NFIC: variants seen among roughly 807,000 people sequenced by gnomAD.
NFIC encodes the protein nuclear factor 1 C-type.
A neutral mutation model predicts 54.4 loss-of-function variants in NFIC; 12 were observed. The observed-to-expected ratio is 0.22, with a 90% CI of 0.14 to 0.36. The LOEUF is 0.36. NFIC is among the 10% of genes least tolerant of loss of function. NFIC has a pLI of 1.00. For missense variants in NFIC, 575 were observed against 718.2 expected (o/e 0.80, Z 2.28); for synonymous variants, 322 against 319.2 (o/e 1.01, Z -0.09).
chr19:3,388,138 C>T (rs776935720), intron 2 of NFIC, among the ~76,000 whole-genome samples: 16 of 152,070 alleles, frequency 1.1e-4, no homozygotes, highest in African/African-American at 2.7e-4. Flanking sequence ...TGCAGTCCAG[C>T]GCCGGGAATG....
At chr19:3,440,013 G>T in intron 6 of NFIC, among the ~76,000 whole-genome samples, 1 of 152,186 alleles carries the variant, frequency 6.6e-6, no homozygotes, top group Non-Finnish European at 1.5e-5. Context: ...TTTAACACCC[G>T]TGGCCCAGGG....
intron 2 of NFIC, among the ~76,000 whole-genome samples, chr19:3,413,037 C>T (rs2081791204): frequency 1.3e-5 from 2 of 152,166 alleles, no homozygotes; most frequent in African/African-American, 4.8e-5. Flanking sequence ...CAATCTCCGC[C>T]TTCCAGATTC....
Position 3,459,172 on chromosome 19 carries a change from C to T in NFIC, c.1509+2537C>T, listed in dbSNP as rs996821320. Among the ~76,000 whole-genome samples, 5 of 151,962 alleles carry T rather than the reference C, an allele frequency of 3.3e-5. No homozygotes were observed. The highest frequency in any genetic ancestry group is 1.2e-4 in the African/African-American group (5 of 41,368). ...CTGGCGGATTCGCTTCCCTCTGCCC[C>T]CTCCTCCCCCAAAGCCTGGGTGGGC... is the stretch of plus-strand genomic sequence containing the variant. On this transcript the variant is annotated intron_variant, in intron 10 of 10. Transcript: ENST00000443272. This position sits in a 1 kb window ranked among gnomAD's most constrained non-coding sequence, Gnocchi z 4.2.
intron 2 of NFIC, among the ~76,000 whole-genome samples, chr19:3,421,023 A>C (rs1256901020): frequency 2.0e-5 from 3 of 152,176 alleles, no homozygotes; most frequent in Non-Finnish European, 2.9e-5. Context: ...GCGCCCAGCC[A>C]ATGTTTCATT....
chr19:3,440,466 C>T (rs1043767026), intron 6 of NFIC, among the ~76,000 whole-genome samples: 1 of 150,624 alleles, frequency 6.6e-6, no homozygotes, highest in Admixed American at 6.6e-5. Context: ...CTCTCTCTGT[C>T]GCTCGCCCAG....
chr19:3,445,066 T>A (rs2082353775), intron 6 of NFIC, among the ~76,000 whole-genome samples: 1 of 151,984 alleles, frequency 6.6e-6, no homozygotes, highest in African/African-American at 2.4e-5. Flanking sequence ...CAGGCATACA[T>A]ATGCAGGCGT....
intron 2 of NFIC, among the ~76,000 whole-genome samples, chr19:3,391,666 G>A (rs561965421): frequency 4.1e-4 from 62 of 151,664 alleles, no homozygotes; most frequent in African/African-American, 1.1e-3. Context: ...GCATGGTGGC[G>A]CGTGCCTGTA....
rs766198179 is a variant in NFIC at position 3,435,213 on chromosome 19, G to T, written c.958+6G>T. On this transcript the variant is annotated splice_donor_region_variant and intron_variant, in intron 6 of 10. Transcript: ENST00000443272. ...GACGGAGGACATGGAAGGAGGTAGG[G>T]CTGGTGGCGGGGGCGGAGCCGGCCT... 6.3e-7 allele frequency: 1 copy of T among 1,578,182 alleles called. No individual in the cohort carries two copies. Among genetic ancestry groups the T allele is most frequent in the Non-Finnish European group, 8.6e-7 (1 of 1,156,594 alleles).
chr19:3,464,885 G>A lies in NFIC; in HGVS notation c.*2116G>A, dbSNP rs1247534873. 5.3e-6 allele frequency: 1 copy of A among 189,920 alleles called. No individual in the cohort carries two copies. Among genetic ancestry groups the A allele is most frequent in the Non-Finnish European group, 9.7e-6 (1 of 102,758 alleles). The allele number at this position is 189,920 out of a possible 1,614,324, so 11.8% of individuals were successfully genotyped here. A position where few individuals can be genotyped will look rare whatever the true frequency, so the allele number is the denominator to read the frequency against. ...CTCTCCGGGAGGGCGGGCGGGGGAGGGGGTGGTCGGGTTGTGCCATTGGGG... is the reference window on the plus strand; with the variant it reads ...CTCTCCGGGAGGGCGGGCGGGGGAGAGGGTGGTCGGGTTGTGCCATTGGGG... On this transcript the variant is annotated 3_prime_UTR_variant, in exon 11 of 11. Coordinates refer to ENST00000443272, the MANE Select transcript of NFIC (RefSeq NM_001245002.2).
Position 3,465,680 on chromosome 19 carries a change from G to C in NFIC, c.*2911G>C, listed in dbSNP as rs548272547. On this transcript the variant is annotated 3_prime_UTR_variant, in exon 11 of 11. Coordinates refer to ENST00000443272, the MANE Select transcript of NFIC (RefSeq NM_001245002.2). ...CGGGGCCCATCTTGGCCCTGGGAAA[G>C]GGCTCTCCTCTCTGATTGGTCCCTA... 6.6e-6 allele frequency: 1 copy of C among 152,284 alleles called. No homozygotes were observed. Among genetic ancestry groups the C allele is most frequent in the South Asian group, 2.1e-4 (1 of 4,828 alleles). 9.4% of individuals were successfully genotyped at this position (152,284 alleles called of 1,614,324 possible).
chr19:3,373,632 T>TA (rs11389373), intron 1 of NFIC, among the ~76,000 whole-genome samples: 11,546 of 99,638 alleles, frequency 0.12, 785 homozygotes, highest in East Asian at 0.37. Flanking sequence ...CCCCCCAAGC[T>TA]AAAAAACACC....
intron 6 of NFIC, among the ~76,000 whole-genome samples, chr19:3,437,719 C>T (rs1200527397): frequency 1.4e-5 from 2 of 142,974 alleles, no homozygotes; most frequent in Non-Finnish European, 3.0e-5. Flanking sequence ...GACGGAGTTT[C>T]GCTCTTATCA....
At position 3,462,815 on chromosome 19, in the gene NFIC, C is replaced by T; in HGVS notation, c.*46C>T. The T allele has an allele frequency of 6.2e-7, 1 of 1,613,696 alleles. No homozygotes were observed. The highest frequency in any genetic ancestry group is 8.5e-7 in the Non-Finnish European group (1 of 1,179,938). On this transcript the variant is annotated 3_prime_UTR_variant, in exon 11 of 11. Coordinates refer to ENST00000443272, the MANE Select transcript of NFIC (RefSeq NM_001245002.2). The stretch of plus-strand genomic sequence containing the variant: ...CCCTTCTCCATCGTCCCAGGAATCC[C>T]AGGGGGCAGCACAGCCGGCCCCCGG...
At chr19:3,425,203 G>A (rs771086295) in intron 3 of NFIC, 26 bp downstream of exon 3, 1 of 1,601,554 alleles carries the variant, frequency 6.2e-7, no homozygotes, top group Admixed American at 1.7e-5. Context: ...GCGTGGCGGT[G>A]AAGGGCGGAG....
intron 2 of NFIC, among the ~76,000 whole-genome samples, chr19:3,415,023 A>G (rs935025443): frequency 6.6e-6 from 1 of 151,836 alleles, no homozygotes; most frequent in Non-Finnish European, 1.5e-5. Flanking sequence ...TATTTTTGGT[A>G]GAGACGGGGT....
intron 1 of NFIC, among the ~76,000 whole-genome samples, chr19:3,371,892 C>CTTCCTTCCTTCT (rs879584269): frequency 0.074 from 6,578 of 89,300 alleles, 476 homozygotes; most frequent in South Asian, 0.13. Flanking sequence ...TCCTTCCTTC[C>CTTCCTTCCTTCT]TTCCTTCCTT....
At chr19:3,404,056 C>T (rs2145546510) in intron 2 of NFIC, among the ~76,000 whole-genome samples, 1 of 150,414 alleles carries the variant, frequency 6.6e-6, no homozygotes, top group East Asian at 2.0e-4. Context: ...CCTTCCCGAA[C>T]CTCTCCATGG....
rs1448371970 is a variant in NFIC at position 3,452,847 on chromosome 19, A to T, written c.1269+181A>T. Reference sequence around the variant, plus strand: ...TGGGTCAGAATTGAGATGCTTTCGGATGTCAGGGTTTCGGGCGCATCATGT... The same window carrying T: ...TGGGTCAGAATTGAGATGCTTTCGGTTGTCAGGGTTTCGGGCGCATCATGT... On this transcript the variant is annotated intron_variant, in intron 8 of 10. Transcript: ENST00000443272. This position sits in a 1 kb window ranked among gnomAD's most constrained non-coding sequence, Gnocchi z 5.3. Among the ~76,000 whole-genome samples the T allele has an allele frequency of 6.6e-6, 1 of 152,088 alleles. No homozygotes were observed. Among genetic ancestry groups the T allele is most frequent in the Non-Finnish European group, 1.5e-5 (1 of 68,018 alleles).
At chr19:3,396,567 C>T (rs1406898404) in intron 2 of NFIC, among the ~76,000 whole-genome samples, 2 of 152,160 alleles carry the variant, frequency 1.3e-5, no homozygotes, top group Non-Finnish European at 2.9e-5. Flanking sequence ...TGTCTACCAC[C>T]AGGCGTCCCT....
Sources: gnomAD v4.1 joint callset for allele counts (sites outside exome capture counted in the v4.1 genomes callset) on GRCh38, gnomAD v4.1.1 for gene constraint, Gnocchi (gnomAD v3.1) non-coding constraint, MANE v1.5 for transcripts, NCBI Gene and HGNC (gene_info 2026-07-23, HGNC 2026-07-21) for gene names.